Variants in PSD3 observed in about 807,000 individuals in gnomAD.
PSD3 encodes the protein pleckstrin and Sec7 domain containing 3, also known as PH and SEC7 domain-containing protein 3.
A neutral mutation model predicts 105.5 loss-of-function variants in PSD3; 49 were observed. That is an observed-to-expected ratio of 0.46 (90% CI 0.37 to 0.59). The LOEUF (loss-of-function observed/expected upper bound fraction) is 0.59, where lower values mean the gene tolerates loss of function less well. Ranked by LOEUF, PSD3 falls within the 20% of genes least tolerant of loss-of-function variation. The pLI is 0.00. For missense variants in PSD3, 1,561 were observed against 1,263.8 expected, an observed-to-expected ratio of 1.24 and a Z score of -3.57; for synonymous variants, 557 against 457.8, an observed-to-expected ratio of 1.22 and a Z score of -2.77.
intron 8 of PSD3, among the ~76,000 whole-genome samples, chr8:18,779,488 G>C (rs1808410030): frequency 1.3e-5 from 2 of 150,790 alleles, no homozygotes; most frequent in African/African-American, 4.9e-5. Context: ...TGTTAATTTT[G>C]TATCTGGTTT....
At chr8:18,998,258 T>C (rs1826185303) in intron 1 of PSD3, among the ~76,000 whole-genome samples, 1 of 152,028 alleles carries the variant, frequency 6.6e-6, no homozygotes. Flanking sequence ...GCCAATTTGA[T>C]AATTAAATTA....
intron 2 of PSD3, among the ~76,000 whole-genome samples, chr8:18,901,829 T>C (rs1344770562): frequency 6.6e-6 from 1 of 152,216 alleles, no homozygotes; most frequent in East Asian, 1.9e-4. Context: ...TATTTCTCTT[T>C]CAGCTCTTTG....
chr8:18,600,532 C>T, intron 11 of PSD3, 98 bp from the exon 12 acceptor site: 1 of 1,000,096 alleles, frequency 1.0e-6, no homozygotes, highest in Non-Finnish European at 1.5e-6. Context: ...AATATTCTAC[C>T]TAGCTACCGA....
intron 4 of PSD3, among the ~76,000 whole-genome samples, chr8:18,829,476 G>A (rs528329688): frequency 1.3e-5 from 2 of 152,168 alleles, no homozygotes; most frequent in East Asian, 1.9e-4. Flanking sequence ...ATAGAATCCC[G>A]TCCATCAACG....
At chr8:18,805,295 G>A (rs1190775056) in intron 4 of PSD3, among the ~76,000 whole-genome samples, 1 of 151,976 alleles carries the variant, frequency 6.6e-6, no homozygotes, top group African/African-American at 2.4e-5. Context: ...TTTTCCAGAA[G>A]AACTAAAATT....
intron 4 of PSD3, among the ~76,000 whole-genome samples, chr8:18,859,315 T>A (rs1563353391): frequency 6.6e-6 from 1 of 151,860 alleles, no homozygotes; most frequent in Non-Finnish European, 1.5e-5. Flanking sequence ...TGTGCTGTTA[T>A]CTAGCCTTTG....
intron 13 of PSD3, among the ~76,000 whole-genome samples, chr8:18,574,689 C>T (rs2634430): frequency 0.54 from 82,323 of 151,980 alleles, 22,397 homozygotes; most frequent in Middle Eastern, 0.62. Flanking sequence ...ACACACTTAT[C>T]TCACTGACTT....
chr8:18,900,643 CTTTTTTT>C (rs34004085), intron 2 of PSD3, among the ~76,000 whole-genome samples: 2 of 83,968 alleles, frequency 2.4e-5, no homozygotes, highest in African/African-American at 4.7e-5. Context: ...AGAGACAACT[CTTTTTTT>C]TTTTTTTTTT....
chr8:18,819,460 C>T (rs1345642029), intron 4 of PSD3, among the ~76,000 whole-genome samples: 3 of 151,960 alleles, frequency 2.0e-5, no homozygotes, highest in Non-Finnish European at 2.9e-5. Flanking sequence ...TGAACCTCTC[C>T]AGAGGGATAA....
chr8:18,973,927 CA>C (rs1824789717), intron 1 of PSD3, among the ~76,000 whole-genome samples: 1 of 152,168 alleles, frequency 6.6e-6, no homozygotes, highest in African/African-American at 2.4e-5. Flanking sequence ...CTGTTCTTTA[CA>C]AATGGAGGCC....
intron 1 of PSD3, among the ~76,000 whole-genome samples, chr8:19,038,580 C>T (rs774313184): frequency 6.6e-6 from 1 of 152,164 alleles, no homozygotes; most frequent in Non-Finnish European, 1.5e-5. Context: ...CCTGTCTCAG[C>T]CTTCTGAATA....
chr8:18,962,498 T>A (rs574798517), intron 1 of PSD3, among the ~76,000 whole-genome samples: 5 of 152,200 alleles, frequency 3.3e-5, no homozygotes, highest in Admixed American at 2.0e-4. Flanking sequence ...GAGATAATAT[T>A]TTGGAAAAAA....
intron 11 of PSD3, among the ~76,000 whole-genome samples, chr8:18,624,222 T>C (rs142188385): frequency 1.3e-5 from 2 of 152,254 alleles, no homozygotes; most frequent in African/African-American, 4.8e-5. Flanking sequence ...ACTAATACTT[T>C]TGCAGGGTAG....
chr8:19,001,392 C>G (rs1053953226), intron 1 of PSD3, among the ~76,000 whole-genome samples: 2 of 150,890 alleles, frequency 1.3e-5, no homozygotes, highest in African/African-American at 4.9e-5. Flanking sequence ...ACCTCCTGCC[C>G]CCAACACATG....
At chr8:18,783,507 G>T (rs1358635429) in intron 8 of PSD3, among the ~76,000 whole-genome samples, 1 of 151,894 alleles carries the variant, frequency 6.6e-6, no homozygotes, top group Non-Finnish European at 1.5e-5. Context: ...GTTTGCTTTT[G>T]TTTCTTTCAT....
chr8:18,890,604 T>C lies in PSD3; in HGVS notation c.131-17871A>G, dbSNP rs140011541. Among the ~76,000 whole-genome samples, 28 of 152,302 alleles carry C rather than the reference T, an allele frequency of 1.8e-4. 1 individual carries two copies. The East Asian group carries it at 5.4e-3, about 29-fold the overall frequency. ...CATACGACCCTCCCGGTAAGCTCGT[T>C]GGGAAACATACAGTATAAAAGGTTT... On this transcript the variant is annotated intron_variant, in intron 2 of 15. Coordinates refer to ENST00000327040, the MANE Select transcript of PSD3 (RefSeq NM_015310.4).
At chr8:18,984,423 T>TA (rs1825396449) in intron 1 of PSD3, among the ~76,000 whole-genome samples, 2 of 152,184 alleles carry the variant, frequency 1.3e-5, no homozygotes, top group African/African-American at 4.8e-5. Context: ...ATCACTGCAT[T>TA]AAAATATTTG....
rs1045155122 is a variant in PSD3, at chr8:18,933,339, T to C, written c.130+2695A>G. On this transcript the variant is annotated intron_variant, in intron 2 of 15. Coordinates refer to ENST00000327040, the MANE Select transcript of PSD3 (RefSeq NM_015310.4). The stretch of plus-strand genomic sequence containing the variant: ...ATAAGGCAGAGAACTATGTAGACAT[T>C]TGGTATTATCTCTATATAGTTAAGG... 9.2e-5 allele frequency among the ~76,000 whole-genome samples: 14 copies of C among 152,156 alleles called. No individual in the cohort carries two copies. In the East Asian group the frequency reaches 2.3e-3, roughly 25 times the overall value.
chr8:18,813,148 G>T (rs1437873497), intron 4 of PSD3, among the ~76,000 whole-genome samples: 3 of 152,140 alleles, frequency 2.0e-5, no homozygotes, highest in Non-Finnish European at 2.9e-5. Context: ...TGAGTGGCTT[G>T]AGATGTGCAT....
Sources: gnomAD v4.1 joint callset for allele counts (sites outside exome capture counted in the v4.1 genomes callset) on GRCh38, gnomAD v4.1.1 for gene constraint, MANE v1.5 for transcripts, NCBI Gene and HGNC (gene_info 2026-07-23, HGNC 2026-07-21) for gene names.